PDK1: variants seen among roughly 807,000 people sequenced by gnomAD.
The protein encoded by PDK1 is [Pyruvate dehydrogenase (acetyl-transferring)] kinase isozyme 1, mitochondrial.
A neutral mutation model predicts 54.2 loss-of-function variants in PDK1; 39 were observed. The observed-to-expected ratio is 0.72, with a 90% CI of 0.56 to 0.94. The LOEUF is 0.94. Among genes scored for constraint, PDK1 ranks in the 40% least tolerant of loss-of-function variants. The pLI, the probability that PDK1 is intolerant of heterozygous loss-of-function variation, is 0.00. For synonymous variants in PDK1, 221 were observed against 207.1 expected (o/e 1.07, Z -0.58); for missense variants, 552 against 566.0 (o/e 0.98, Z 0.25).
chr2:172,713,850 G>A, the PDK1 span, among the ~76,000 whole-genome samples: 3 of 152,222 alleles, frequency 2.0e-5, no homozygotes, highest in South Asian at 6.2e-4. Flanking sequence ...TCCATGGAGC[G>A]CACAGCCCTG....
At chr2:172,566,616 A>G (rs1298497351) in intron 5 of PDK1, among the ~76,000 whole-genome samples, 1 of 151,496 alleles carries the variant, frequency 6.6e-6, no homozygotes, top group Admixed American at 6.6e-5. Flanking sequence ...CTGTAATCCT[A>G]GCACCAAGGC....
Position 172,566,856 on chromosome 2 carries a change from A to T in PDK1, c.692A>T (p.Asp231Val). Reference sequence around the variant, plus strand: ...TTTGTTTTGTTTTGATTCACACTAGATGGCTATGAAAATGCTAGGCGTCTG... The same window carrying T: ...TTTGTTTTGTTTTGATTCACACTAGTTGGCTATGAAAATGCTAGGCGTCTG... ...PNCNVLEVIKDGYENARRLCD... is the reference protein window; with the variant it reads ...PNCNVLEVIKVGYENARRLCD... The change falls in exon 6 of 11, where the codon GAT (aspartate) becomes GTT (valine). Residue 231 changes from aspartate (D) to valine (V), a missense_variant and splice_region_variant. Transcript: ENST00000282077. The T allele has an allele frequency of 6.2e-7, 1 of 1,600,830 alleles. No homozygotes were observed.
chr2:172,618,068 T>C, the PDK1 span, among the ~76,000 whole-genome samples: 1 of 152,182 alleles, frequency 6.6e-6, no homozygotes, highest in Non-Finnish European at 1.5e-5. Flanking sequence ...TTTAGGTTAT[T>C]GCAATGTAAC....
At chr2:172,638,646 C>T in the PDK1 span, among the ~76,000 whole-genome samples, 2,426 of 152,192 alleles carry the variant, frequency 0.016, 68 homozygotes, top group African/African-American at 0.055. Context: ...GAGAACTTTT[C>T]TGTCTAGCTA....
the PDK1 span, among the ~76,000 whole-genome samples, chr2:172,647,426 A>G: frequency 6.6e-6 from 1 of 152,164 alleles, no homozygotes; most frequent in Non-Finnish European, 1.5e-5. Flanking sequence ...GCAAGTAAGA[A>G]ACTGCTCAAA....
At chr2:172,634,368 G>A in the PDK1 span, among the ~76,000 whole-genome samples, 2 of 150,322 alleles carry the variant, frequency 1.3e-5, no homozygotes, top group South Asian at 2.1e-4. Context: ...TGCCTCTCGG[G>A]TTCAAGCGAT....
chr2:172,630,372 G>A, the PDK1 span, among the ~76,000 whole-genome samples: 1 of 152,138 alleles, frequency 6.6e-6, no homozygotes, highest in African/African-American at 2.4e-5. Flanking sequence ...GCCACAGATG[G>A]CTATTTAAAT....
At chr2:172,555,820 C>G, upstream of PDK1, 1 of 231,742 alleles carries the variant, frequency 4.3e-6, no homozygotes, top group Non-Finnish European at 8.3e-6. Flanking sequence ...GGACGGCCGA[C>G]ACGCTCACCC....
chr2:172,556,217 G>C lies in PDK1; in HGVS notation c.67G>C (p.Gly23Arg), dbSNP rs760469835. The stretch of plus-strand genomic sequence containing the variant: ...CCCGGGCCCGGGGCTGCGCGCCGCC[G>C]GCTTCAGCCGCAGCTTCAGCTCGGA... ...AGPGPGLRAAGFSRSFSSDSG... is the reference protein window; with the variant it reads ...AGPGPGLRAARFSRSFSSDSG... Residue 23 changes from glycine to arginine, a missense_variant, in exon 1 of 11, where the codon GGC becomes CGC. Physicochemically the swap from Gly to Arg is moderately radical, Grantham distance 125 (BLOSUM62 -2). Transcript: ENST00000282077. 3.2e-5 allele frequency: 45 copies of C among 1,425,132 alleles called. No individual in the cohort carries two copies. Among genetic ancestry groups the C allele is most frequent in the Middle Eastern group, 2.3e-4 (1 of 4,312 alleles). 88.3% of individuals were successfully genotyped at this position (1,425,132 alleles called of 1,614,324 possible). A position where few individuals can be genotyped will look rare whatever the true frequency, so the allele number is the denominator to read the frequency against.
the PDK1 span, among the ~76,000 whole-genome samples, chr2:172,652,381 T>C: frequency 6.6e-6 from 1 of 152,172 alleles, no homozygotes; most frequent in East Asian, 1.9e-4. Flanking sequence ...GGGCAAAAAC[T>C]GGAAGCATTC....
intron 10 of PDK1, among the ~76,000 whole-genome samples, chr2:172,594,564 G>C (rs1312038116): frequency 6.6e-6 from 1 of 152,200 alleles, no homozygotes; most frequent in Non-Finnish European, 1.5e-5. Flanking sequence ...CAGCCTGTGG[G>C]CTGTGGATTG....
rs1053876109 is a variant in PDK1, at chr2:172,608,582, T to A, written c.*12613T>A. The A allele has an allele frequency of 1.1e-4, 16 of 152,172 alleles. No homozygotes were observed. The highest frequency in any genetic ancestry group is 3.9e-4 in the African/African-American group (16 of 41,444). 9.4% of individuals were successfully genotyped at this position (152,172 alleles called of 1,614,324 possible). A position where few individuals can be genotyped will look rare whatever the true frequency, so the allele number is the denominator to read the frequency against. The stretch of plus-strand genomic sequence containing the variant: ...ATTTACCAATGGCCATTTTATCACC[T>A]CCAAACTATCTTTTATTTTTTTGAA... On this transcript the variant is annotated 3_prime_UTR_variant, in exon 11 of 11. Coordinates refer to ENST00000282077, the MANE Select transcript of PDK1 (RefSeq NM_002610.5).
At chr2:172,654,929 G>A in the PDK1 span, among the ~76,000 whole-genome samples, 1 of 152,158 alleles carries the variant, frequency 6.6e-6, no homozygotes, top group Non-Finnish European at 1.5e-5. Context: ...GAAAGCCTGT[G>A]AGCTGCAGGG....
chr2:172,587,070 G>A (rs758869686), intron 9 of PDK1, among the ~76,000 whole-genome samples: 5 of 152,110 alleles, frequency 3.3e-5, no homozygotes, highest in Non-Finnish European at 7.4e-5. Context: ...ACATGATGGG[G>A]GTATAGTACA....
chr2:172,657,446 A>G, the PDK1 span, among the ~76,000 whole-genome samples: 2 of 35,548 alleles, frequency 5.6e-5, 1 homozygote, highest in Non-Finnish European at 2.6e-4. Context: ...CTGCTTTTAA[A>G]TGATGCTTAT....
chr2:172,573,704 A>C (rs1374651008), intron 8 of PDK1, among the ~76,000 whole-genome samples: 1 of 151,776 alleles, frequency 6.6e-6, no homozygotes, highest in African/African-American at 2.4e-5. Context: ...CCCTGATGAG[A>C]TGTATGATTT....
At chr2:172,677,746 T>A in the PDK1 span, among the ~76,000 whole-genome samples, 22 of 152,356 alleles carry the variant, frequency 1.4e-4, no homozygotes, top group East Asian at 4.2e-3. Flanking sequence ...CAAAAGTTTA[T>A]ACAAGAATGA....
At chr2:172,673,505 A>AT in the PDK1 span, among the ~76,000 whole-genome samples, 1 of 152,086 alleles carries the variant, frequency 6.6e-6, no homozygotes, top group South Asian at 2.1e-4. Context: ...ACTAATTATT[A>AT]TTTTAGAGAG....
At chr2:172,668,829 A>G in the PDK1 span, among the ~76,000 whole-genome samples, 5 of 147,260 alleles carry the variant, frequency 3.4e-5, no homozygotes, top group African/African-American at 7.4e-5. Flanking sequence ...ATATACACAC[A>G]TATGTATGTA....
Sources: allele counts gnomAD v4.1 joint callset (sites outside exome capture counted in the v4.1 genomes callset), GRCh38; gene constraint gnomAD v4.1.1; transcripts MANE v1.5; gene names NCBI Gene and HGNC (gene_info 2026-07-23, HGNC 2026-07-21).